Variants in ENOX2 observed in about 807,000 individuals in gnomAD.
The protein encoded by ENOX2 is APK1 antigen.
Under a neutral mutation model 45.0 loss-of-function variants are expected in ENOX2, and 36 were observed. The observed-to-expected ratio is 0.80, with a 90% CI of 0.61 to 1.06. The LOEUF (loss-of-function observed/expected upper bound fraction) is 1.06. Among genes scored for constraint, ENOX2 ranks in the 50% least tolerant of loss-of-function variants. ENOX2 has a pLI of 0.00. For missense variants in ENOX2, 423 were observed against 462.5 expected, an observed-to-expected ratio of 0.91 and a Z score of 0.78; for synonymous variants, 174 against 152.3, an observed-to-expected ratio of 1.14 and a Z score of -1.05.
chrX:130,733,578 G>C (rs892475751), intron 3 of ENOX2, among the ~76,000 whole-genome samples: 1 of 112,270 alleles, frequency 8.9e-6, no homozygotes, highest in Non-Finnish European at 1.9e-5. Flanking sequence ...CTCAACAGGT[G>C]AATGGTAAAA....
intron 12 of ENOX2, among the ~76,000 whole-genome samples, chrX:130,631,845 C>T (rs1337525364): frequency 2.1e-5 from 2 of 96,650 alleles, no homozygotes; most frequent in Non-Finnish European, 4.1e-5. Flanking sequence ...TGACTTTATA[C>T]AAGCAATCTG....
chrX:130,845,903 A>T (rs61614942), intron 2 of ENOX2, among the ~76,000 whole-genome samples: 5,827 of 112,459 alleles, frequency 0.052, 391 homozygotes, highest in African/African-American at 0.18. Flanking sequence ...GTAGTAATGT[A>T]CAGAAAAAAA....
intron 2 of ENOX2, 113 bp downstream of exon 2, chrX:130,901,571 G>A (rs1048175527): frequency 3.6e-5 from 4 of 111,585 alleles, no homozygotes; most frequent in Non-Finnish European, 7.5e-5. Flanking sequence ...AAAATATATC[G>A]ATGTCTCTAG....
At chrX:130,749,743 G>C (rs2039171632) in intron 3 of ENOX2, among the ~76,000 whole-genome samples, 1 of 110,459 alleles carries the variant, frequency 9.1e-6, no homozygotes, top group Admixed American at 9.7e-5. Context: ...GTGATGGTGG[G>C]GCCTTTGACG....
At chrX:130,651,285 C>G (rs891491376) in intron 10 of ENOX2, among the ~76,000 whole-genome samples, 1 of 111,696 alleles carries the variant, frequency 9.0e-6, no homozygotes, top group Admixed American at 9.5e-5. Context: ...TCATTGTTAC[C>G]CCTCTTACAT....
intron 9 of ENOX2, among the ~76,000 whole-genome samples, chrX:130,660,947 A>G (rs1328166874): frequency 1.8e-5 from 2 of 112,218 alleles, no homozygotes; most frequent in Non-Finnish European, 3.8e-5. Context: ...ACTTTCATAT[A>G]GAATAAAACT....
intron 2 of ENOX2, among the ~76,000 whole-genome samples, chrX:130,837,167 G>A (rs2077942552): frequency 1.8e-5 from 2 of 112,386 alleles, no homozygotes; most frequent in Non-Finnish European, 3.8e-5. Flanking sequence ...GAACCTTACA[G>A]ACTAATCAAT....
chrX:130,685,155 C>T lies in ENOX2; in HGVS notation c.253+3708G>A, dbSNP rs753606198. On this transcript the variant is annotated intron_variant, in intron 5 of 14. Transcript: ENST00000394363. ...TGTTCTAGCTAGGTGGAAGAGCTAG[C>T]GCAAAGGCCCTATGATGGGAGAGTG... is the stretch of plus-strand genomic sequence containing the variant. Among the ~76,000 whole-genome samples, 9 of 111,186 alleles carry T rather than the reference C, an allele frequency of 8.1e-5. No individual in the cohort carries two copies. In the South Asian group the frequency reaches 1.2e-3, roughly 14 times the overall value.
chrX:130,682,063 C>T (rs1053967598), intron 5 of ENOX2, among the ~76,000 whole-genome samples: 1 of 109,110 alleles, frequency 9.2e-6, no homozygotes, highest in African/African-American at 3.3e-5. Context: ...CAAGAGTATC[C>T]ATATAGTTAG....
chrX:130,737,707 A>G (rs2038894518), intron 3 of ENOX2, among the ~76,000 whole-genome samples: 1 of 111,957 alleles, frequency 8.9e-6, no homozygotes, highest in Admixed American at 9.5e-5. Context: ...TCTGACATAC[A>G]GCACCCAAAA....
At chrX:130,727,664 AGACTCGG>A (rs1258239985) in intron 3 of ENOX2, among the ~76,000 whole-genome samples, 1 of 112,506 alleles carries the variant, frequency 8.9e-6, no homozygotes, top group Non-Finnish European at 1.9e-5. Flanking sequence ...AAGGTAACTT[AGACTCGG>A]TAGTCAGAGC....
intron 2 of ENOX2, among the ~76,000 whole-genome samples, chrX:130,901,003 G>A (rs2079136441): frequency 1.8e-5 from 2 of 112,503 alleles, no homozygotes; most frequent in South Asian, 7.3e-4. Flanking sequence ...AAATAGCTTA[G>A]AGGTATGATA....
intron 6 of ENOX2, among the ~76,000 whole-genome samples, chrX:130,670,657 C>T (rs1219589428): frequency 9.2e-6 from 1 of 109,213 alleles, no homozygotes; most frequent in Non-Finnish European, 1.9e-5. Flanking sequence ...AACTTAAATG[C>T]ATTAACTTGG....
At position 130,698,220 on chromosome X, in the gene ENOX2, A is replaced by G. The variant is rs192166454; in HGVS notation, c.97+4900T>C. ...GAAGTAAAGTACTTCTGTAATATCA[A>G]GATAAATAACTACAACATTTTTAAC... On this transcript the variant is annotated intron_variant, in intron 4 of 14. Coordinates refer to ENST00000394363, the MANE Select transcript of ENOX2 (RefSeq NM_006375.4). Among the ~76,000 whole-genome samples, 341 of 112,121 alleles carry G rather than the reference A, an allele frequency of 3.0e-3. 2 individuals carry two copies. Among genetic ancestry groups the G allele is most frequent in the African/African-American group, 0.01 (311 of 30,869 alleles).
intron 2 of ENOX2, among the ~76,000 whole-genome samples, chrX:130,826,896 G>A (rs2077729630): frequency 9.0e-6 from 1 of 111,563 alleles, no homozygotes; most frequent in Admixed American, 9.5e-5. Context: ...ATTGGGGCTT[G>A]GATAGATAAA....
intron 2 of ENOX2, among the ~76,000 whole-genome samples, chrX:130,839,800 G>A (rs2077984165): frequency 9.0e-6 from 1 of 111,665 alleles, no homozygotes; most frequent in Non-Finnish European, 1.9e-5. Context: ...AAAAGTCTGA[G>A]AACTATATTG....
chrX:130,679,823 C>T (rs1242369302), intron 5 of ENOX2, 75 bp from the exon 6 acceptor site: 1 of 788,887 alleles, frequency 1.3e-6, no homozygotes, highest in Non-Finnish European at 1.9e-6. Flanking sequence ...CTAACATTTC[C>T]CTGCTATCCC....
intron 2 of ENOX2, among the ~76,000 whole-genome samples, chrX:130,794,738 T>C (rs1057169827): frequency 2.7e-5 from 3 of 112,505 alleles, no homozygotes; most frequent in Non-Finnish European, 5.6e-5. Context: ...AGAAGGATAC[T>C]GGTATCCTTT....
intron 3 of ENOX2, among the ~76,000 whole-genome samples, chrX:130,762,678 G>A (rs1243206389): frequency 8.9e-6 from 1 of 112,133 alleles, no homozygotes; most frequent in Non-Finnish European, 1.9e-5. Flanking sequence ...TTACTTTTCT[G>A]TTACTGAATT....
Sources: allele counts gnomAD v4.1 joint callset (sites outside exome capture counted in the v4.1 genomes callset), GRCh38; gene constraint gnomAD v4.1.1; transcripts MANE v1.5; gene names NCBI Gene and HGNC (gene_info 2026-07-23, HGNC 2026-07-21).